The following PAWR variants were observed in gnomAD, a reference collection of about 807,000 sequenced individuals.
The protein encoded by PAWR is PRKC apoptosis WT1 regulator protein.
Under a neutral mutation model 32.0 loss-of-function variants are expected in PAWR, and 23 were observed. The observed-to-expected ratio is 0.72, with a 90% CI of 0.52 to 1.02. The LOEUF (loss-of-function observed/expected upper bound fraction) is 1.02. PAWR is among the 50% of genes least tolerant of loss of function. The probability of loss-of-function intolerance (pLI) is 0.00; values close to 1 mark genes in which losing one functional copy is unlikely to be tolerated. For synonymous variants in PAWR, 226 were observed against 187.1 expected, an observed-to-expected ratio of 1.21 and a Z score of -1.70; for missense variants, 457 against 437.7, an observed-to-expected ratio of 1.04 and a Z score of -0.39.
At chr12:79,663,524 G>A (rs780584329) in intron 2 of PAWR, among the ~76,000 whole-genome samples, 4 of 152,298 alleles carry the variant, frequency 2.6e-5, no homozygotes, top group South Asian at 2.1e-4. Context: ...GTGGGAAGCT[G>A]AGGCAGGAGG....
chr12:79,608,982 T>G (rs562572610), intron 4 of PAWR, among the ~76,000 whole-genome samples: 1 of 152,018 alleles, frequency 6.6e-6, no homozygotes, highest in African/African-American at 2.4e-5. Context: ...GAGGTAAAGG[T>G]TGCTTCAGCC....
rs147802165 is a variant in PAWR, at chr12:79,606,969, C to A, written c.683+6606G>T. 4.1e-3 allele frequency among the ~76,000 whole-genome samples: 624 copies of A among 152,066 alleles called. 12 individuals are homozygous for A. The highest frequency in any genetic ancestry group is 0.014 in the African/African-American group (592 of 41,498). Reference sequence around the variant, plus strand: ...ATAATATTTATGACCTAGAAAAGTTCAGAAATTCACCAGTCCACAAAATGT... The same window carrying A: ...ATAATATTTATGACCTAGAAAAGTTAAGAAATTCACCAGTCCACAAAATGT... On this transcript the variant is annotated intron_variant, in intron 4 of 6. Coordinates refer to ENST00000328827, the MANE Select transcript of PAWR (RefSeq NM_002583.4).
rs144135397 is a variant in PAWR, at chr12:79,593,638, C to A, written c.936+691G>T. On this transcript the variant is annotated intron_variant, in intron 6 of 6. Transcript: ENST00000328827. ...TCGCGCCACTGAACTCCAGCCTGGG[C>A]AACAGAGAGAGACTCCTTCTCAAAA... Among the ~76,000 whole-genome samples, 317 of 148,860 alleles carry A rather than the reference C, an allele frequency of 2.1e-3. 2 individuals carry two copies. The highest frequency in any genetic ancestry group is 7.6e-3 in the African/African-American group (309 of 40,474).
intron 4 of PAWR, among the ~76,000 whole-genome samples, chr12:79,610,779 A>G (rs2136694988): frequency 6.6e-6 from 1 of 151,736 alleles, no homozygotes; most frequent in East Asian, 1.9e-4. Flanking sequence ...AAAAAAAAGA[A>G]AAAGAAAATT....
At chr12:79,594,813 TTCAAGCGATTC>T (rs1873688636) in intron 5 of PAWR, among the ~76,000 whole-genome samples, 1 of 151,914 alleles carries the variant, frequency 6.6e-6, no homozygotes, top group African/African-American at 2.4e-5. Context: ...ACCTCCTGGG[TTCAAGCGATTC>T]TCCTGCCTCA....
rs1273332630 is a variant in PAWR at position 79,689,810 on chromosome 12, C to G, written c.435G>C (p.Arg145Ser). The G allele has an allele frequency of 3.1e-6, 5 of 1,595,336 alleles. No homozygotes were observed. Among genetic ancestry groups the G allele is most frequent in the Non-Finnish European group, 4.3e-6 (5 of 1,171,882 alleles). Reference sequence around the variant, plus strand: ...TCTTCTCGATCTGCCCCTTGCCTTTCCTGGCACTGGGGCCCGAGCTCTTGC... The same window carrying G: ...TCTTCTCGATCTGCCCCTTGCCTTTGCTGGCACTGGGGCCCGAGCTCTTGC... ...EKGKSSGPSA[R>S]KGKGQIEKRK... Residue 145 changes from arginine (R) to serine (S), a missense_variant, in exon 2 of 7, where the codon AGG becomes AGC. Physicochemically the swap from Arg to Ser is moderately radical, Grantham distance 110. Coordinates refer to ENST00000328827, the MANE Select transcript of PAWR (RefSeq NM_002583.4).
chr12:79,607,972 C>T (rs955736298), intron 4 of PAWR, among the ~76,000 whole-genome samples: 1 of 151,094 alleles, frequency 6.6e-6, no homozygotes, highest in Non-Finnish European at 1.5e-5. Context: ...TCACTTGAAC[C>T]TGGGAGGCGG....
In PAWR at chr12:79,632,361, A is replaced by ATTTTTTTT. The variant is rs755937992; in HGVS notation, c.517-11162_517-11155dup. Among the ~76,000 whole-genome samples, 23 of 20,600 alleles carry ATTTTTTTT rather than the reference A, an allele frequency of 1.1e-3. 1 individual carries two copies. Among genetic ancestry groups the ATTTTTTTT allele is most frequent in the African/African-American group, 3.9e-3 (13 of 3,354 alleles). 13.5% of individuals were successfully genotyped at this position (20,600 alleles called of 152,430 possible). A position where few individuals can be genotyped will look rare whatever the true frequency, so the allele number is the denominator to read the frequency against. On this transcript the variant is annotated intron_variant, in intron 2 of 6. Coordinates refer to ENST00000328827, the MANE Select transcript of PAWR (RefSeq NM_002583.4). Reference sequence around the variant, plus strand: ...TATATATATATATATATATATATATATTTTTTTTTTTTTTTAGACAGGGTC... The same window carrying ATTTTTTTT: ...TATATATATATATATATATATATATATTTTTTTTTTTTTTTTTTTTTTTAGACAGGGTC...
At chr12:79,653,087 G>A (rs57382581) in intron 2 of PAWR, among the ~76,000 whole-genome samples, 2,363 of 151,602 alleles carry the variant, frequency 0.016, 71 homozygotes, top group East Asian at 0.13. Context: ...GTTGTTGCCC[G>A]GGCTGGAGTG....
chr12:79,686,654 A>G (rs558968604), intron 2 of PAWR, among the ~76,000 whole-genome samples: 3 of 152,288 alleles, frequency 2.0e-5, no homozygotes, highest in African/African-American at 7.2e-5. Flanking sequence ...GTCGGTACTT[A>G]ATATACTATA....
chr12:79,660,089 A>G (rs1261382426), intron 2 of PAWR, among the ~76,000 whole-genome samples: 1 of 152,234 alleles, frequency 6.6e-6, no homozygotes, highest in Non-Finnish European at 1.5e-5. Flanking sequence ...GCCATTAAAA[A>G]GCAGTGAGCA....
At position 79,659,209 on chromosome 12, in the gene PAWR, G is replaced by A. The variant is rs543164135; in HGVS notation, c.516+30520C>T. Among the ~76,000 whole-genome samples, 16 of 151,824 alleles carry A rather than the reference G, an allele frequency of 1.1e-4. No homozygotes were observed. In the East Asian group the frequency reaches 1.8e-3, roughly 17 times the overall value. On this transcript the variant is annotated intron_variant, in intron 2 of 6. Transcript: ENST00000328827. ...CTACTTGGGCTAAGGCAGGAGAATC[G>A]CTTGATCCCGGGAGGTGGAGGTTGC...
intron 4 of PAWR, among the ~76,000 whole-genome samples, chr12:79,600,235 A>ATT (rs1873906508): frequency 6.6e-6 from 1 of 152,174 alleles, no homozygotes; most frequent in Admixed American, 6.5e-5. Context: ...TCGCACTCAA[A>ATT]AAAGTGTATC....
rs1294760474 is a variant in PAWR, at chr12:79,590,603, C to CTAA, written c.*2001_*2003dup. Reference sequence around the variant, plus strand: ...AATTCTTTTAATAAAAACCCATATACTAATATATTTTAAGGTTGGATACTA... The same window carrying CTAA: ...AATTCTTTTAATAAAAACCCATATACTAATAATATATTTTAAGGTTGGATACTA... On this transcript the variant is annotated 3_prime_UTR_variant, in exon 7 of 7. Transcript: ENST00000328827. 1.3e-5 allele frequency: 2 copies of CTAA among 152,112 alleles called. No homozygotes were observed. 9.4% of individuals were successfully genotyped at this position (152,112 alleles called of 1,614,324 possible). A position where few individuals can be genotyped will look rare whatever the true frequency, so the allele number is the denominator to read the frequency against.
At chr12:79,658,629 C>T (rs1877203317) in intron 2 of PAWR, among the ~76,000 whole-genome samples, 1 of 152,050 alleles carries the variant, frequency 6.6e-6, no homozygotes, top group African/African-American at 2.4e-5. Context: ...AGAGAATATT[C>T]ATCCTTCAAA....
chr12:79,622,043 A>AC (rs1439730035), intron 2 of PAWR, among the ~76,000 whole-genome samples: 3 of 152,070 alleles, frequency 2.0e-5, no homozygotes, highest in African/African-American at 7.2e-5. Flanking sequence ...AACAAAAAAA[A>AC]CCACACACCT....
chr12:79,636,185 G>C (rs1875953200), intron 2 of PAWR, among the ~76,000 whole-genome samples: 1 of 151,984 alleles, frequency 6.6e-6, no homozygotes, highest in South Asian at 2.1e-4. Flanking sequence ...TTTTAATATA[G>C]AAATTTAATA....
rs75364084 is a variant in PAWR, at chr12:79,642,167, C to T, written c.517-20960G>A. 4.5e-3 allele frequency among the ~76,000 whole-genome samples: 679 copies of T among 152,178 alleles called. 8 individuals are homozygous for T. The highest frequency in any genetic ancestry group is 0.015 in the African/African-American group (613 of 41,532). ...GATTATAGTGACTTACCAAAGATAT[C>T]TTCAATATATGGCTGCTTAATAGAT... On this transcript the variant is annotated intron_variant, in intron 2 of 6. Coordinates refer to ENST00000328827, the MANE Select transcript of PAWR (RefSeq NM_002583.4).
chr12:79,682,912 G>A (rs1247001271), intron 2 of PAWR, among the ~76,000 whole-genome samples: 1 of 151,990 alleles, frequency 6.6e-6, no homozygotes, highest in Non-Finnish European at 1.5e-5. Flanking sequence ...TTGATAAGAT[G>A]GCAAACACAA....
Sources: allele counts gnomAD v4.1 joint callset (sites outside exome capture counted in the v4.1 genomes callset), GRCh38; gene constraint gnomAD v4.1.1; transcripts MANE v1.5; gene names NCBI Gene and HGNC (gene_info 2026-07-23, HGNC 2026-07-21).